PCM1: variants seen among roughly 807,000 people sequenced by gnomAD.
PCM1 encodes pericentriolar material 1 protein.
Under a neutral mutation model 241.9 loss-of-function variants are expected in PCM1, and 157 were observed. The observed-to-expected ratio is 0.65, with a 90% CI of 0.57 to 0.74. The LOEUF is 0.74. Among genes scored for constraint, PCM1 ranks in the 30% least tolerant of loss-of-function variants. The pLI is 0.00. For missense variants in PCM1, 3,478 were observed against 2,360.1 expected (o/e 1.47, Z -9.81); for synonymous variants, 1,085 against 784.9 (o/e 1.38, Z -6.39).
chr8:17,928,943 C>T (rs376826183), intron 2 of PCM1, among the ~76,000 whole-genome samples: 6 of 152,080 alleles, frequency 3.9e-5, no homozygotes, highest in Non-Finnish European at 8.8e-5. Flanking sequence ...GTATCTCCCT[C>T]CTTACCAACA....
intron 6 of PCM1, among the ~76,000 whole-genome samples, chr8:17,946,298 C>T (rs1586330609): frequency 6.6e-6 from 1 of 151,926 alleles, no homozygotes; most frequent in African/African-American, 2.4e-5. Flanking sequence ...ATAATGATGC[C>T]TTTGATGACG....
At chr8:17,998,035 G>GAA (rs764623076) in intron 29 of PCM1, among the ~76,000 whole-genome samples, 6 of 127,222 alleles carry the variant, frequency 4.7e-5, no homozygotes, top group South Asian at 2.6e-4. Flanking sequence ...GGCTCCGTCT[G>GAA]AAAAAAAAAA....
intron 36 of PCM1, among the ~76,000 whole-genome samples, chr8:18,015,419 C>T (rs1193374517): frequency 6.6e-6 from 1 of 152,280 alleles, no homozygotes; most frequent in African/African-American, 2.4e-5. Context: ...TGGGTCATTT[C>T]TGATAAATGC....
chr8:17,979,146 AAAG>A, intron 23 of PCM1, among the ~76,000 whole-genome samples: 1 of 152,056 alleles, frequency 6.6e-6, no homozygotes, highest in South Asian at 2.1e-4. Flanking sequence ...AAAAAAAAAA[AAAG>A]CAGTTATTTG....
intron 7 of PCM1, among the ~76,000 whole-genome samples, chr8:17,948,842 A>T (rs1325885544): frequency 6.6e-6 from 1 of 152,218 alleles, no homozygotes; most frequent in Admixed American, 6.5e-5. Context: ...CAGATTTAAA[A>T]GCTTTCCTTT....
intron 6 of PCM1, among the ~76,000 whole-genome samples, chr8:17,944,263 C>A (rs1391307422): frequency 6.6e-6 from 1 of 152,114 alleles, no homozygotes; most frequent in Non-Finnish European, 1.5e-5. Context: ...TAATTTGGAG[C>A]AGATAGTATG....
intron 38 of PCM1, among the ~76,000 whole-genome samples, chr8:18,026,206 G>A (rs1293819913): frequency 1.7e-5 from 2 of 116,736 alleles, no homozygotes; most frequent in Admixed American, 9.1e-5. Context: ...AAAAAATGTA[G>A]ACATGCCCAT....
intron 23 of PCM1, among the ~76,000 whole-genome samples, chr8:17,979,836 T>C (rs1473484100): frequency 6.6e-6 from 1 of 152,096 alleles, no homozygotes; most frequent in East Asian, 1.9e-4. Context: ...TGCCCAAGAA[T>C]AGTCAAGAAA....
At chr8:18,021,044 T>G (rs1015934130) in intron 36 of PCM1, among the ~76,000 whole-genome samples, 1 of 152,202 alleles carries the variant, frequency 6.6e-6, no homozygotes, top group Non-Finnish European at 1.5e-5. Context: ...AATATGCATT[T>G]TGAATGAACT....
intron 36 of PCM1, among the ~76,000 whole-genome samples, chr8:18,023,286 A>G (rs1279124822): frequency 6.6e-6 from 1 of 152,226 alleles, no homozygotes; most frequent in Non-Finnish European, 1.5e-5. Context: ...TTGTACATGA[A>G]GTGATCCCTT....
chr8:17,957,729 C>G lies in PCM1; in HGVS notation c.1994C>G (p.Ala665Gly), dbSNP rs746361859. The part of the protein sequence containing the change: ...FEQKINRLMA[A>G]KQKLRQLQDL... ...CAGAAGATCAACCGACTTATGGCTG[C>G]AAAACAGAAACTTAGACAGTTACAA... Residue 665 changes from alanine to glycine, a missense_variant, in exon 13 of 39, where the codon GCA becomes GGA. Transcript: ENST00000325083. The G allele has an allele frequency of 1.2e-6, 2 of 1,613,460 alleles. No individual in the cohort carries two copies. The highest frequency in any genetic ancestry group is 2.2e-5 in the East Asian group (1 of 44,864).
intron 36 of PCM1, among the ~76,000 whole-genome samples, chr8:18,017,013 T>A (rs1159971278): frequency 6.6e-6 from 1 of 152,228 alleles, no homozygotes; most frequent in African/African-American, 2.4e-5. Context: ...TCTGTCAGTT[T>A]CTACGCATGA....
rs1206660894 is a variant in PCM1 at position 17,966,508 on chromosome 8, A to G, written c.3221+35A>G. 2.5e-6 allele frequency: 4 copies of G among 1,595,842 alleles called. No individual in the cohort carries two copies. The African/African-American group carries it at 4.0e-5, about 16-fold the overall frequency. On this transcript the variant is annotated intron_variant, in intron 20 of 38. Coordinates refer to ENST00000325083, the MANE Select transcript of PCM1 (RefSeq NM_006197.4). ...TTCTTAGAAGTATTGAGACTGTATAAGAGCTAACATTGAGCAGAGGTTTTA... is the reference window on the plus strand; with the variant it reads ...TTCTTAGAAGTATTGAGACTGTATAGGAGCTAACATTGAGCAGAGGTTTTA...
At chr8:17,930,533 G>C (rs112963253) in intron 2 of PCM1, among the ~76,000 whole-genome samples, 13 of 152,122 alleles carry the variant, frequency 8.5e-5, no homozygotes, top group African/African-American at 2.7e-4. Flanking sequence ...GACATGAAGA[G>C]AAATAACATG....
intron 2 of PCM1, among the ~76,000 whole-genome samples, 167 bp from the exon 3 acceptor site, chr8:17,935,422 T>C (rs139897589): frequency 7.9e-5 from 12 of 152,348 alleles, no homozygotes; most frequent in African/African-American, 1.9e-4. Context: ...AATCATAATA[T>C]GCCTGTCACA....
rs1165729909 is a variant in PCM1 at position 17,991,701 on chromosome 8, G to T, written c.4690+1G>T. On this transcript the variant is annotated splice_donor_variant, in intron 28 of 38. Coordinates refer to ENST00000325083, the MANE Select transcript of PCM1 (RefSeq NM_006197.4). LOFTEE classifies it high-confidence loss of function. ...GGTACTACAGTTAATAATTTAGAAGGTATATATTTTTGTTTTCGGTAGGTT... is the reference window on the plus strand; with the variant it reads ...GGTACTACAGTTAATAATTTAGAAGTTATATATTTTTGTTTTCGGTAGGTT... 6.5e-7 allele frequency: 1 copy of T among 1,541,770 alleles called. No individual in the cohort carries two copies. Among genetic ancestry groups the T allele is most frequent in the Admixed American group, 2.0e-5 (1 of 49,234 alleles).
intron 29 of PCM1, 64 bp from the exon 30 acceptor site, chr8:18,006,199 G>A (rs1001723920): frequency 3.1e-6 from 4 of 1,296,624 alleles, no homozygotes; most frequent in Admixed American, 5.3e-5. Flanking sequence ...GTATTATATG[G>A]ATTGATTTTC....
At chr8:17,925,913 C>T (rs1003051519) in intron 2 of PCM1, 1 of 152,046 alleles carries the variant, frequency 6.6e-6, no homozygotes, top group Non-Finnish European at 1.5e-5. Flanking sequence ...TATTTTATAG[C>T]TCTCCTATGA....
At chr8:17,938,300 A>G (rs1371619947) in intron 4 of PCM1, among the ~76,000 whole-genome samples, 2 of 152,200 alleles carry the variant, frequency 1.3e-5, no homozygotes, top group Non-Finnish European at 2.9e-5. Context: ...AATATTGTAT[A>G]AGATTACCTT....
Sources: allele counts gnomAD v4.1 joint callset (sites outside exome capture counted in the v4.1 genomes callset), GRCh38; gene constraint gnomAD v4.1.1; transcripts MANE v1.5; gene names NCBI Gene and HGNC (gene_info 2026-07-23, HGNC 2026-07-21).